Variants in EXTL3 observed in about 807,000 individuals in gnomAD.
The protein encoded by EXTL3 is exostosin like glycosyltransferase 3, also known as exostosin-like 3.
Under a neutral mutation model 69.3 loss-of-function variants are expected in EXTL3, and 27 were observed. That is an observed-to-expected ratio of 0.39 (90% CI 0.29 to 0.54). The LOEUF is 0.54. Among genes scored for constraint, EXTL3 ranks in the 20% least tolerant of loss-of-function variants. EXTL3 has a pLI of 0.69. For missense variants in EXTL3, 1,003 were observed against 1,231.8 expected, an observed-to-expected ratio of 0.81 and a Z score of 2.78; for synonymous variants, 511 against 499.4, an observed-to-expected ratio of 1.02 and a Z score of -0.31.
chr8:28,686,108 T>C (rs181292), intron 1 of EXTL3: 53,218 of 151,834 alleles, frequency 0.35, 10,207 homozygotes, highest in African/African-American at 0.53. Context: ...TCAAGTGATT[T>C]GCTTGCCTTG....
chr8:28,658,765 G>T (rs573450441), intron 1 of EXTL3, among the ~76,000 whole-genome samples: 1 of 152,198 alleles, frequency 6.6e-6, no homozygotes, highest in South Asian at 2.1e-4. Context: ...ATTTTTAGTA[G>T]AGATGGGGTT....
In EXTL3 at chr8:28,750,544, C is replaced by A; in HGVS notation, c.2551-113C>A. On this transcript the variant is annotated intron_variant, in intron 6 of 6. Coordinates refer to ENST00000220562, the MANE Select transcript of EXTL3 (RefSeq NM_001440.4). The surrounding 1 kb of genome is among the most constrained non-coding windows in gnomAD (Gnocchi z 5.2). ...GCCATGCTCTGCAGGGATGTTGCCCCTGAGGGGATCAGCGTCTTCACCATG... is the reference window on the plus strand; with the variant it reads ...GCCATGCTCTGCAGGGATGTTGCCCATGAGGGGATCAGCGTCTTCACCATG... 1 of 886,532 alleles carries A rather than the reference C, an allele frequency of 1.1e-6. No homozygotes were observed. The highest frequency in any genetic ancestry group is 2.5e-5 in the East Asian group (1 of 39,340). 54.9% of individuals were successfully genotyped at this position (886,532 alleles called of 1,614,324 possible). A position where few individuals can be genotyped will look rare whatever the true frequency, so the allele number is the denominator to read the frequency against.
At chr8:28,708,603 G>A (rs911158601) in intron 1 of EXTL3, among the ~76,000 whole-genome samples, 2 of 151,994 alleles carry the variant, frequency 1.3e-5, no homozygotes, top group Non-Finnish European at 2.9e-5. Flanking sequence ...TGGGTTGTTA[G>A]TACTTAAAAA....
In EXTL3 at chr8:28,703,414, A is replaced by G. The variant is rs576465777; in HGVS notation, c.-570+1755A>G. Among the ~76,000 whole-genome samples, 5 of 133,998 alleles carry G rather than the reference A, an allele frequency of 3.7e-5. No homozygotes were observed. The East Asian group carries it at 1.1e-3, about 29-fold the overall frequency. 87.9% of individuals were successfully genotyped at this position (133,998 alleles called of 152,430 possible). On this transcript the variant is annotated intron_variant, in intron 1 of 6. Coordinates refer to ENST00000220562, the MANE Select transcript of EXTL3 (RefSeq NM_001440.4). ...ATTTTAAGGGAACAGTTTGGAGAGA[A>G]GTAAGTCGGGCCAGGCCGAGCATGG...
At chr8:28,621,427 T>A (rs1806407985), upstream of EXTL3, among the ~76,000 whole-genome samples, 1 of 152,212 alleles carries the variant, frequency 6.6e-6, no homozygotes, top group Non-Finnish European at 1.5e-5. Context: ...GCCCACACCT[T>A]GAACACAGGC....
intron 1 of EXTL3, among the ~76,000 whole-genome samples, chr8:28,688,192 G>A (rs1304605514): frequency 6.6e-6 from 1 of 151,624 alleles, no homozygotes; most frequent in Non-Finnish European, 1.5e-5. Flanking sequence ...CTCCCAAGTA[G>A]CTGGGATTAC....
chr8:28,679,729 TAAA>T (rs33956566), intron 1 of EXTL3, among the ~76,000 whole-genome samples: 18 of 140,638 alleles, frequency 1.3e-4, no homozygotes, highest in Admixed American at 1.4e-4. Flanking sequence ...CCCTACCTCT[TAAA>T]AAAAAAAAAA....
In EXTL3 at chr8:28,671,073, C is replaced by T. The variant is rs973324287; in HGVS notation, c.-52-42384C>T. 4.0e-5 allele frequency among the ~76,000 whole-genome samples: 6 copies of T among 151,292 alleles called. No individual in the cohort carries two copies. The East Asian group carries it at 5.9e-4, about 15-fold the overall frequency. ...TTGGCTCACTGCAGCCTCCGCCTCC[C>T]GGGTTGAAGCGATTCTCCTGCCTCT... On this transcript the variant is annotated intron_variant, in intron 1 of 6. Transcript: ENST00000523149.
At position 28,672,725 on chromosome 8, in the gene EXTL3, T is replaced by C. The variant is rs1024668033; in HGVS notation, c.-52-40732T>C. ...CCATGTTTCAGAATCACGGACTGAG[T>C]ATATTTGCTGTGTAGTTGCTTGGTG... On this transcript the variant is annotated intron_variant, in intron 1 of 6. Coordinates refer to the EXTL3 transcript ENST00000523149. Among the ~76,000 whole-genome samples the C allele has an allele frequency of 2.6e-4, 39 of 151,974 alleles. 1 individual carries two copies. The highest frequency in any genetic ancestry group is 2.9e-5 in the Non-Finnish European group (2 of 68,002).
intron 1 of EXTL3, among the ~76,000 whole-genome samples, chr8:28,679,986 G>C (rs1216358755): frequency 1.3e-5 from 2 of 151,232 alleles, no homozygotes; most frequent in Non-Finnish European, 1.5e-5. Context: ...ATTTACAGCA[G>C]CTTAAACCAA....
chr8:28,716,955 C>G lies in EXTL3; in HGVS notation c.896C>G (p.Ala299Gly). Reference sequence around the variant, plus strand: ...GTCAGTACTGGCCGTGCCATGGTGGCCCAGTCCACCTTCTACACTGTCCAG... The same window carrying G: ...GTCAGTACTGGCCGTGCCATGGTGGGCCAGTCCACCTTCTACACTGTCCAG... ...YNVSTGRAMVAQSTFYTVQYR... is the reference protein window; with the variant it reads ...YNVSTGRAMVGQSTFYTVQYR... Residue 299 changes from alanine to glycine, a missense_variant, in exon 3 of 7, where the codon GCC becomes GGC. This residue lies in a region of EXTL3 where 742 missense variants were observed against 815.4 expected (regional missense o/e 0.91). Transcript: ENST00000220562. This position sits in a 1 kb window ranked among gnomAD's most constrained non-coding sequence, Gnocchi z 7.1. The G allele has an allele frequency of 6.2e-7, 1 of 1,614,202 alleles. No homozygotes were observed.
chr8:28,637,332 C>T (rs577688300), intron 1 of EXTL3: 27 of 152,434 alleles, frequency 1.8e-4, no homozygotes, highest in African/African-American at 6.5e-4. Context: ...CCTTAAACCT[C>T]CCAGGCTCCC....
At chr8:28,715,305 T>TA (rs1423721096) in intron 2 of EXTL3, among the ~76,000 whole-genome samples, 2 of 152,214 alleles carry the variant, frequency 1.3e-5, no homozygotes, top group African/African-American at 4.8e-5. Context: ...GTCATCGTGT[T>TA]ACAGGGCTAT....
chr8:28,702,900 A>G (rs1800842080), intron 1 of EXTL3, among the ~76,000 whole-genome samples: 1 of 152,182 alleles, frequency 6.6e-6, no homozygotes, highest in Non-Finnish European at 1.5e-5. Context: ...TGAGTCCTGC[A>G]TTCTGATACA....
chr8:28,641,889 G>T lies in EXTL3; in HGVS notation c.-53+19079G>T, dbSNP rs571045601. Among the ~76,000 whole-genome samples, 31 of 152,268 alleles carry T rather than the reference G, an allele frequency of 2.0e-4. No homozygotes were observed. In the East Asian group the frequency reaches 5.8e-3, roughly 29 times the overall value. On this transcript the variant is annotated intron_variant, in intron 1 of 6. Transcript: ENST00000523149. ...CTCGCTCTGTCACCCAGGCTGGAGT[G>T]CAGTGGAGCGATCTTGGCTCACTGC... is the stretch of plus-strand genomic sequence containing the variant.
intron 1 of EXTL3, among the ~76,000 whole-genome samples, chr8:28,709,621 A>G (rs1444786119): frequency 3.9e-5 from 6 of 152,156 alleles, no homozygotes; most frequent in Admixed American, 3.3e-4. Context: ...AAAGATGCAA[A>G]AGAAGACCTA....
intron 1 of EXTL3, among the ~76,000 whole-genome samples, chr8:28,660,507 T>C (rs945251749): frequency 6.6e-6 from 1 of 152,170 alleles, no homozygotes; most frequent in Non-Finnish European, 1.5e-5. Context: ...CATATATATA[T>C]ACACATACAC....
chr8:28,750,632 C>A lies in EXTL3; in HGVS notation c.2551-25C>A. On this transcript the variant is annotated intron_variant, in intron 6 of 6. Transcript: ENST00000220562. The surrounding 1 kb of genome is among the most constrained non-coding windows in gnomAD (Gnocchi z 5.2). Reference sequence around the variant, plus strand: ...CTGTCAGTATTAGCTGGGATTCCCACTCTGTCTCTCTCTCCCGTTTCCAGG... The same window carrying A: ...CTGTCAGTATTAGCTGGGATTCCCAATCTGTCTCTCTCTCCCGTTTCCAGG... 1 of 1,596,620 alleles carries A rather than the reference C, an allele frequency of 6.3e-7. No individual in the cohort carries two copies. Among genetic ancestry groups the A allele is most frequent in the Non-Finnish European group, 8.6e-7 (1 of 1,164,196 alleles).
chr8:28,627,194 A>T (rs1051954355), intron 1 of EXTL3, among the ~76,000 whole-genome samples: 4 of 151,312 alleles, frequency 2.6e-5, no homozygotes, highest in African/African-American at 9.7e-5. Flanking sequence ...TCTCAAAAAA[A>T]AAAAATTAAA....
Sources: allele counts gnomAD v4.1 joint callset (sites outside exome capture counted in the v4.1 genomes callset), GRCh38; gene constraint gnomAD v4.1.1; regional missense constraint gnomAD v4.1.1; non-coding constraint Gnocchi (gnomAD v3.1); transcripts MANE v1.5; gene names NCBI Gene and HGNC (gene_info 2026-07-23, HGNC 2026-07-21).